Variants in MROH2A observed in about 807,000 individuals in gnomAD.
The protein encoded by MROH2A is maestro heat like repeat family member 2A.
Under a neutral mutation model 200.4 loss-of-function variants are expected in MROH2A, and 174 were observed. That is an observed-to-expected ratio of 0.87 (90% confidence interval 0.77 to 0.98). MROH2A has a LOEUF of 0.98. MROH2A is among the 50% of genes least tolerant of loss of function. The pLI is 0.00. For missense variants in MROH2A, 2,045 were observed against 2,139.6 expected (o/e 0.96, Z 0.87); for synonymous variants, 829 against 840.4 (o/e 0.99, Z 0.23).
Position 233,832,259 on chromosome 2 carries a change from T to C in MROH2A, c.4817T>C (p.Ile1606Thr), listed in dbSNP as rs1433836541. The change falls in exon 40 of 42, where the codon ATC becomes ACC. Residue 1606 changes from isoleucine to threonine, a missense_variant. Around this residue, in one of 3 missense-constraint regions of MROH2A, gnomAD observed 1,201 missense variants for 1,311.3 expected, o/e 0.92. Transcript: ENST00000389758. Reference protein sequence around the residue: ...YVKNNLSRIRIAACNLAGIIM... With the variant: ...YVKNNLSRIRTAACNLAGIIM... ...AAAAATAACTTGTCAAGAATCAGAA[T>C]CGCTGCTTGCAACTTGGCAGGTGAG... 2 of 1,550,808 alleles carry C rather than the reference T, an allele frequency of 1.3e-6. No individual in the cohort carries two copies. Among genetic ancestry groups the C allele is most frequent in the Non-Finnish European group, 8.7e-7 (1 of 1,147,070 alleles).
rs1704512744 is a variant in MROH2A, at chr2:233,828,852, G to A, written c.4264-38G>A. ...GCCGGGTGCCCTGGTCAGCCTGGGA[G>A]GGAGGGTGCAGGCTGAGGGCTGCCC... On this transcript the variant is annotated intron_variant, in intron 36 of 41. Transcript: ENST00000389758. The surrounding 1 kb of genome is among the most constrained non-coding windows in gnomAD (Gnocchi z 4.6). The A allele has an allele frequency of 6.5e-7, 1 of 1,549,854 alleles. No homozygotes were observed.
rs1465142859 is a variant in MROH2A, at chr2:233,828,577, T to C, written c.4114-53T>C. The C allele has an allele frequency of 1.3e-6, 2 of 1,534,696 alleles. No individual in the cohort carries two copies. The highest frequency in any genetic ancestry group is 2.8e-5 in the African/African-American group (2 of 72,554). ...CCTCTCCTCCCACGTCCCACCTTGC[T>C]GCTGAGAAATGAGCCCGCCCTGGGG... On this transcript the variant is annotated intron_variant, in intron 35 of 41. Transcript: ENST00000389758. This position sits in a 1 kb window ranked among gnomAD's most constrained non-coding sequence, Gnocchi z 4.6.
chr2:233,832,005 A>T (rs774353660), intron 39 of MROH2A, among the ~76,000 whole-genome samples, 172 bp from the exon 40 acceptor site: 44 of 152,344 alleles, frequency 2.9e-4, no homozygotes, highest in Non-Finnish European at 5.3e-4. Flanking sequence ...TATGAAAAAT[A>T]TAACTGGTGG....
chr2:233,777,201 C>G (rs1163788059), upstream of MROH2A, among the ~76,000 whole-genome samples: 2 of 152,318 alleles, frequency 1.3e-5, no homozygotes, highest in South Asian at 2.1e-4. Flanking sequence ...ACTTCTGGCT[C>G]TAAATGTATC....
At chr2:233,822,041 G>T in intron 31 of MROH2A, 83 bp from the exon 32 acceptor site, 1 of 1,444,282 alleles carries the variant, frequency 6.9e-7, no homozygotes, top group Non-Finnish European at 9.2e-7. Context: ...TACTTAGGGG[G>T]CTGCCAAGGG....
At chr2:233,818,481 C>T (rs1244517902) in intron 28 of MROH2A, among the ~76,000 whole-genome samples, 171 bp from the exon 29 acceptor site, 3 of 152,070 alleles carry the variant, frequency 2.0e-5, no homozygotes, top group African/African-American at 7.2e-5. Flanking sequence ...GTGGTGCGGG[C>T]AGAGGCCGCC....
At position 233,792,862 on chromosome 2, in the gene MROH2A, A is replaced by G; in HGVS notation, c.638A>G (p.Asn213Ser). 3.2e-6 allele frequency: 5 copies of G among 1,550,598 alleles called. No individual in the cohort carries two copies. The highest frequency in any genetic ancestry group is 3.9e-5 in the Admixed American group (2 of 51,014). Residue 213 changes from asparagine (N) to serine (S), a missense_variant, in exon 6 of 42, where the codon AAT becomes AGT. Asn to Ser is a conservative substitution (Grantham distance 46, BLOSUM62 1). Transcript: ENST00000389758. ...ATATTCACCATGCTGAGACTTGCCA[A>G]TGAAGCCAAGATACGCCAGGCGATC... ...ATIFTMLRLA[N>S]EAKIRQAICS...
At chr2:233,783,415 A>G (rs754049084) in intron 3 of MROH2A, among the ~76,000 whole-genome samples, 2 of 151,956 alleles carry the variant, frequency 1.3e-5, no homozygotes, top group African/African-American at 2.4e-5. Context: ...GGTTCATCGG[A>G]GTTTTCTATT....
chr2:233,831,652 C>G, intron 39 of MROH2A, 112 bp downstream of exon 39: 1 of 1,208,682 alleles, frequency 8.3e-7, no homozygotes, highest in South Asian at 1.5e-5. Context: ...TTACCTTCCA[C>G]ACATGCCATG....
chr2:233,799,840 A>G lies in MROH2A; in HGVS notation c.1390A>G (p.Ile464Val), dbSNP rs563451261. 21 of 1,550,548 alleles carry G rather than the reference A, an allele frequency of 1.4e-5. No individual in the cohort carries two copies. In the African/African-American group the frequency reaches 2.1e-4, roughly 15 times the overall value. Residue 464 changes from isoleucine (I) to valine (V), a missense_variant, in exon 13 of 42, where the codon ATC becomes GTC. By Grantham distance (29) the Ile-to-Val change is conservative (BLOSUM62 3). Coordinates refer to ENST00000389758, the MANE Select transcript of MROH2A (RefSeq NM_001394639.1). ...GGCTCTCTGTGGCTACCAGGAGAGA[A>G]TCAAAGGCTGGGGCCTGAAGTACCT... ...QLALCGYQER[I>V]KGWGLKYLSV...
chr2:233,818,635 AGTT>A lies in MROH2A; in HGVS notation c.3086-14_3086-12del. On this transcript the variant is annotated splice_polypyrimidine_tract_variant and intron_variant, in intron 28 of 41. Coordinates refer to ENST00000389758, the MANE Select transcript of MROH2A (RefSeq NM_001394639.1). ...TTTTGTCCCTGCTGGTCATTTCTGA[AGTT>A]GTATTCCCGACAGCAAGCCAGACCT... 6.7e-7 allele frequency: 1 copy of A among 1,484,476 alleles called. No homozygotes were observed. The highest frequency in any genetic ancestry group is 9.2e-7 in the Non-Finnish European group (1 of 1,088,538). 92.0% of individuals were successfully genotyped at this position (1,484,476 alleles called of 1,614,324 possible).
chr2:233,809,333 A>G, intron 22 of MROH2A, 55 bp downstream of exon 22: 1 of 1,525,050 alleles, frequency 6.6e-7, no homozygotes, highest in Non-Finnish European at 8.9e-7. Context: ...GGTGGGTAGT[A>G]GCCTTCTGGC....
At chr2:233,793,584 C>A in intron 6 of MROH2A, 89 bp from the exon 7 acceptor site, 1 of 1,245,190 alleles carries the variant, frequency 8.0e-7, no homozygotes, top group Non-Finnish European at 1.0e-6. Context: ...AAGGCATGAG[C>A]ACTTCCACTC....
intron 41 of MROH2A, 134 bp from the exon 42 acceptor site, chr2:233,833,004 T>G: frequency 9.1e-7 from 1 of 1,098,992 alleles, no homozygotes; most frequent in Non-Finnish European, 1.3e-6. Flanking sequence ...GTCCTCTGCT[T>G]TCCCACACAG....
At position 233,833,133 on chromosome 2, in the gene MROH2A, C is replaced by CT. The variant is rs1559490832; in HGVS notation, c.4904-4dup. 2 of 1,540,290 alleles carry CT rather than the reference C, an allele frequency of 1.3e-6. No homozygotes were observed. The highest frequency in any genetic ancestry group is 1.7e-6 in the Non-Finnish European group (2 of 1,143,096). ...TGAACCTTCCCTCTTTGTGTTCTCT[C>CT]TCAGCCCTCCAGGAACTACAGCTGG... is the stretch of plus-strand genomic sequence containing the variant. On this transcript the variant is annotated splice_region_variant and splice_polypyrimidine_tract_variant and intron_variant, in intron 41 of 41. Coordinates refer to ENST00000389758, the MANE Select transcript of MROH2A (RefSeq NM_001394639.1).
rs1019382810 is a variant in MROH2A, at chr2:233,816,736, C to G, written c.2857-45C>G. The G allele has an allele frequency of 1.5e-5, 21 of 1,393,384 alleles. No individual in the cohort carries two copies. In the African/African-American group the frequency reaches 3.0e-4, roughly 20 times the overall value. 86.3% of individuals were successfully genotyped at this position (1,393,384 alleles called of 1,614,324 possible). A position where few individuals can be genotyped will look rare whatever the true frequency, so the allele number is the denominator to read the frequency against. ...AAAGCTGGCCAGGAAAGGGCTGGCC[C>G]CAGGATTTTAACACCCACTTTGGTG... On this transcript the variant is annotated intron_variant, in intron 26 of 41. Transcript: ENST00000389758.
chr2:233,832,156 T>C (rs1299653495), intron 39 of MROH2A, 21 bp from the exon 40 acceptor site: 3 of 1,260,768 alleles, frequency 2.4e-6, no homozygotes, highest in Non-Finnish European at 3.3e-6. Context: ...CAAAGCTGTG[T>C]GTATCACTTA....
intron 22 of MROH2A, among the ~76,000 whole-genome samples, chr2:233,809,676 G>A (rs1447893133): frequency 6.6e-6 from 1 of 152,116 alleles, no homozygotes; most frequent in Non-Finnish European, 1.5e-5. Flanking sequence ...TCTTGGAATG[G>A]CAAGGAGGGG....
Position 233,789,584 on chromosome 2 carries a change from A to AGGCTGGT in MROH2A, c.368_374dup (p.Ile126GlyfsTer53). Reference sequence around the variant, plus strand: ...GGAGCTGGAGGAGCAGTGCGTGCAGAGGCTGGTGGCCATTGCCTCCAAGGA... The same window carrying AGGCTGGT: ...GGAGCTGGAGGAGCAGTGCGTGCAGAGGCTGGTGGCTGGTGGCCATTGCCTCCAAGGA... On this transcript the variant is annotated frameshift_variant, in exon 4 of 42. Transcript: ENST00000389758. LOFTEE classifies it high-confidence loss of function. The AGGCTGGT allele has an allele frequency of 6.7e-7, 1 of 1,495,486 alleles. No homozygotes were observed. The allele number at this position is 1,495,486 out of a possible 1,614,324, so 92.6% of individuals were successfully genotyped here.
Sources: allele counts gnomAD v4.1 joint callset (sites outside exome capture counted in the v4.1 genomes callset), GRCh38; gene constraint gnomAD v4.1.1; regional missense constraint gnomAD v4.1.1; non-coding constraint Gnocchi (gnomAD v3.1); transcripts MANE v1.5; gene names NCBI Gene and HGNC (gene_info 2026-07-23, HGNC 2026-07-21).